SLC22A3: variants seen among roughly 807,000 people sequenced by gnomAD.
SLC22A3 encodes EMT organic cation transporter 3.
In SLC22A3, 51 loss-of-function variants were observed where a neutral mutation model predicts 59.1. The observed-to-expected ratio is 0.86, with a 90% CI of 0.69 to 1.09. The LOEUF (loss-of-function observed/expected upper bound fraction) is 1.09, where lower values mean the gene tolerates loss of function less well. Ranked by LOEUF, SLC22A3 falls within the 50% of genes least tolerant of loss-of-function variation. SLC22A3 has a pLI of 0.00. For missense variants in SLC22A3, 711 were observed against 726.3 expected (o/e 0.98, Z 0.24); for synonymous variants, 325 against 292.0 (o/e 1.11, Z -1.15).
chr6:160,403,393 G>A (rs2114844366), intron 2 of SLC22A3, among the ~76,000 whole-genome samples: 1 of 151,872 alleles, frequency 6.6e-6, no homozygotes, highest in Admixed American at 6.6e-5. Context: ...TAAATAAATT[G>A]AATCAATAGT....
chr6:160,360,940 GGTA>G (rs1784991958), intron 1 of SLC22A3, among the ~76,000 whole-genome samples: 1 of 152,112 alleles, frequency 6.6e-6, no homozygotes, highest in Non-Finnish European at 1.5e-5. Context: ...CCCAGAAGCA[GGTA>G]AATCATTCTA....
Position 160,407,201 on chromosome 6 carries a change from A to T in SLC22A3, c.688+6A>T. The T allele has an allele frequency of 6.3e-7, 1 of 1,593,462 alleles. No individual in the cohort carries two copies. The highest frequency in any genetic ancestry group is 8.5e-7 in the Non-Finnish European group (1 of 1,171,312). On this transcript the variant is annotated splice_donor_region_variant and intron_variant, in intron 3 of 10. Coordinates refer to ENST00000275300, the MANE Select transcript of SLC22A3 (RefSeq NM_021977.4). The stretch of plus-strand genomic sequence containing the variant: ...GATGACTTGCTACGTGATTGGTAAG[A>T]CATTCTTACACCATCTTCTCTATTT...
At chr6:160,436,137 T>G (rs1788326514) in intron 5 of SLC22A3, among the ~76,000 whole-genome samples, 1 of 152,176 alleles carries the variant, frequency 6.6e-6, no homozygotes, top group South Asian at 2.1e-4. Flanking sequence ...CAGGGTATCA[T>G]GCTCTGATGC....
At chr6:160,424,316 C>A (rs1394690067) in intron 5 of SLC22A3, among the ~76,000 whole-genome samples, 1 of 152,072 alleles carries the variant, frequency 6.6e-6, no homozygotes, top group African/African-American at 2.4e-5. Flanking sequence ...GAATTAATAA[C>A]CAATAATAAA....
intron 7 of SLC22A3, 78 bp downstream of exon 7, chr6:160,437,289 T>C: frequency 7.1e-7 from 1 of 1,402,350 alleles, no homozygotes; most frequent in Non-Finnish European, 1.0e-6. Context: ...AGGGAGCCAC[T>C]TGTTCTTAGG....
intron 7 of SLC22A3, among the ~76,000 whole-genome samples, chr6:160,440,578 C>T (rs1390917394): frequency 3.9e-5 from 6 of 152,120 alleles, no homozygotes; most frequent in Non-Finnish European, 7.4e-5. Flanking sequence ...TTTTAAATTG[C>T]CCTGTGGTTT....
chr6:160,364,320 GC>G (rs1335568322), intron 1 of SLC22A3, among the ~76,000 whole-genome samples: 1 of 152,176 alleles, frequency 6.6e-6, no homozygotes, highest in Non-Finnish European at 1.5e-5. Context: ...TTTCAATACT[GC>G]TGCTTACGCT....
chr6:160,382,584 T>C (rs1368871217), intron 1 of SLC22A3, among the ~76,000 whole-genome samples: 1 of 152,180 alleles, frequency 6.6e-6, no homozygotes, highest in African/African-American at 2.4e-5. Flanking sequence ...CAGTGACTAT[T>C]ATCTACTAGC....
intron 5 of SLC22A3, among the ~76,000 whole-genome samples, chr6:160,433,407 G>T (rs1788223827): frequency 6.6e-6 from 1 of 152,160 alleles, no homozygotes; most frequent in African/African-American, 2.4e-5. Context: ...ATTAGGCTGG[G>T]CATGATGGCT....
chr6:160,400,984 GAAA>G (rs58532600), intron 2 of SLC22A3, among the ~76,000 whole-genome samples: 22,674 of 78,934 alleles, frequency 0.29, 1,855 homozygotes, highest in Middle Eastern at 0.41. Context: ...CTCCAAAACT[GAAA>G]AAAAAAAAAA....
intron 1 of SLC22A3, among the ~76,000 whole-genome samples, chr6:160,353,626 T>C (rs531652675): frequency 6.6e-6 from 1 of 152,110 alleles, no homozygotes; most frequent in African/African-American, 2.4e-5. Flanking sequence ...CACCCTCTCA[T>C]CTTCATTATT....
intron 1 of SLC22A3, among the ~76,000 whole-genome samples, chr6:160,394,461 C>T (rs1016109546): frequency 2.0e-5 from 3 of 152,236 alleles, no homozygotes; most frequent in Non-Finnish European, 4.4e-5. Flanking sequence ...AGCGTCAGCC[C>T]CTAGAGGCAG....
chr6:160,439,567 T>C (rs1788472714), intron 7 of SLC22A3, among the ~76,000 whole-genome samples: 1 of 152,226 alleles, frequency 6.6e-6, no homozygotes, highest in Non-Finnish European at 1.5e-5. Context: ...CGGATAGTCA[T>C]ATAACTATTT....
intron 2 of SLC22A3, among the ~76,000 whole-genome samples, chr6:160,401,764 C>T (rs2114841306): frequency 6.6e-6 from 1 of 151,980 alleles, no homozygotes; most frequent in East Asian, 1.9e-4. Flanking sequence ...GGTACTCATA[C>T]TACTCATGAA....
At chr6:160,394,751 G>A (rs1048727764) in intron 1 of SLC22A3, among the ~76,000 whole-genome samples, 1 of 152,218 alleles carries the variant, frequency 6.6e-6, no homozygotes, top group East Asian at 1.9e-4. Context: ...GGAGAGGACA[G>A]GGGTCAGGAA....
At chr6:160,371,061 T>C (rs1341126409) in intron 1 of SLC22A3, among the ~76,000 whole-genome samples, 1 of 152,228 alleles carries the variant, frequency 6.6e-6, no homozygotes, top group East Asian at 1.9e-4. Flanking sequence ...TTTTGTATTC[T>C]ATTTCACGTA....
At chr6:160,425,721 C>A in intron 5 of SLC22A3, 1 of 665,776 alleles carries the variant, frequency 1.5e-6, no homozygotes, top group Non-Finnish European at 1.9e-6. Flanking sequence ...TAGCCTTTCA[C>A]ATTGAAATCT....
chr6:160,381,070 A>C (rs1434732936), intron 1 of SLC22A3, among the ~76,000 whole-genome samples: 1 of 152,230 alleles, frequency 6.6e-6, no homozygotes, highest in Admixed American at 6.5e-5. Flanking sequence ...GCCTTGGAAT[A>C]AATACAAAAA....
intron 1 of SLC22A3, among the ~76,000 whole-genome samples, chr6:160,381,898 G>C (rs1210668265): frequency 2.0e-5 from 3 of 152,134 alleles, no homozygotes; most frequent in African/African-American, 7.2e-5. Flanking sequence ...CAGTGGAATG[G>C]AGAAAATTTT....
Sources: gnomAD v4.1 joint callset for allele counts (sites outside exome capture counted in the v4.1 genomes callset) on GRCh38, gnomAD v4.1.1 for gene constraint, MANE v1.5 for transcripts, NCBI Gene and HGNC (gene_info 2026-07-23, HGNC 2026-07-21) for gene names.